DNAH6: variants seen among roughly 807,000 people sequenced by gnomAD.
DNAH6 encodes the protein dynein axonemal heavy chain 6, also known as axonemal beta dynein heavy chain 6.
Under a neutral mutation model 491.4 loss-of-function variants are expected in DNAH6, and 340 were observed. That is an observed-to-expected ratio of 0.69 (90% CI 0.63 to 0.76). The LOEUF (loss-of-function observed/expected upper bound fraction) is 0.76, where lower values mean the gene tolerates loss of function less well. Among genes scored for constraint, DNAH6 ranks in the 30% least tolerant of loss-of-function variants. The pLI, the probability that DNAH6 is intolerant of heterozygous loss-of-function variation, is 0.00. For synonymous variants in DNAH6, 1,603 were observed against 1,686.1 expected (o/e 0.95, Z 1.21); for missense variants, 4,443 against 4,972.2 (o/e 0.89, Z 3.20).
At chr2:84,694,533 A>G (rs2104795356) in intron 46 of DNAH6, 53 bp downstream of exon 46, 9 of 1,323,184 alleles carry the variant, frequency 6.8e-6, no homozygotes, top group East Asian at 5.0e-5. Flanking sequence ...GGGTGTTACA[A>G]TCGGGTGTGT....
chr2:84,469,990 G>A, the DNAH6 span, among the ~76,000 whole-genome samples: 103,689 of 151,946 alleles, frequency 0.68, 37,897 homozygotes, highest in East Asian at 0.9. This position sits in a 1 kb window ranked among gnomAD's most constrained non-coding sequence, Gnocchi z 4.0. Flanking sequence ...AACCCACTCT[G>A]TCTTAAGGAG....
chr2:84,741,597 C>A (rs539318955), intron 62 of DNAH6, among the ~76,000 whole-genome samples: 1 of 152,262 alleles, frequency 6.6e-6, no homozygotes, highest in East Asian at 1.9e-4. Context: ...GAAGTGTGGT[C>A]AACTCATATC....
chr2:84,465,566 C>T, the DNAH6 span, among the ~76,000 whole-genome samples: 1 of 152,064 alleles, frequency 6.6e-6, no homozygotes, highest in Non-Finnish European at 1.5e-5. Context: ...AGTATAACAG[C>T]AATATATTCC....
intron 63 of DNAH6, among the ~76,000 whole-genome samples, chr2:84,749,833 T>C (rs760591367): frequency 1.3e-5 from 2 of 152,186 alleles, no homozygotes; most frequent in Non-Finnish European, 2.9e-5. Flanking sequence ...AATTATAGAC[T>C]ATGAAAATTT....
intron 76 of DNAH6, among the ~76,000 whole-genome samples, chr2:84,817,171 A>G (rs1680568183): frequency 6.6e-6 from 1 of 152,082 alleles, no homozygotes; most frequent in Non-Finnish European, 1.5e-5. Context: ...AGTGATACTT[A>G]AGACTGTCAG....
intron 3 of DNAH6, 64 bp downstream of exon 3, chr2:84,525,802 C>T (rs1479720963): frequency 5.0e-6 from 6 of 1,202,096 alleles, no homozygotes; most frequent in South Asian, 1.6e-5. Flanking sequence ...GCATTGCTAG[C>T]ATACTTTTAA....
chr2:84,621,148 G>A, intron 24 of DNAH6, 43 bp from the exon 25 acceptor site: 1 of 1,544,708 alleles, frequency 6.5e-7, no homozygotes, highest in Non-Finnish European at 8.7e-7. Context: ...CAGCTTACAA[G>A]TCCCACACAA....
chr2:84,595,466 C>T (rs181149907), intron 17 of DNAH6, among the ~76,000 whole-genome samples, 180 bp from the exon 18 acceptor site: 14 of 152,110 alleles, frequency 9.2e-5, no homozygotes, highest in Admixed American at 7.2e-4. Flanking sequence ...GAGGCAAGAA[C>T]ATGAAAGGAA....
chr2:84,531,049 G>A (rs988334231), intron 4 of DNAH6, among the ~76,000 whole-genome samples: 12 of 152,100 alleles, frequency 7.9e-5, no homozygotes, highest in Non-Finnish European at 1.3e-4. Context: ...ATTAATATGT[G>A]TAAGATGTAC....
At chr2:84,562,693 C>CTGA (rs1680798157) in intron 11 of DNAH6, among the ~76,000 whole-genome samples, 1 of 152,212 alleles carries the variant, frequency 6.6e-6, no homozygotes, top group Non-Finnish European at 1.5e-5. Flanking sequence ...AAACCAGGCA[C>CTGA]AGCTTCCAAG....
rs1299425650 is a variant in DNAH6, at chr2:84,634,512, G to A, written c.4524G>A (p.Gly1508=). The stretch of plus-strand genomic sequence containing the variant: ...CTTTATTTTGATTTCAGATGATGGG[G>A]CGCTTCTTCAGTGGCTTGGCACAGT... ...CSDGLDYKMM[G]RFFSGLAQSG... Residue 1508 remains glycine (G), a synonymous_variant, in exon 30 of 77, where the codon GGG becomes GGA. Transcript: ENST00000389394. 1 of 1,539,918 alleles carries A rather than the reference G, an allele frequency of 6.5e-7. No homozygotes were observed. The highest frequency in any genetic ancestry group is 2.1e-5 in the Admixed American group (1 of 47,978).
chr2:84,706,624 T>C (rs187337545), intron 52 of DNAH6, among the ~76,000 whole-genome samples: 104 of 152,336 alleles, frequency 6.8e-4, no homozygotes, highest in Non-Finnish European at 1.1e-3. Flanking sequence ...TAATCCATTA[T>C]GATACCTAAT....
chr2:84,745,968 A>G (rs1239882999), intron 63 of DNAH6, among the ~76,000 whole-genome samples: 1 of 152,196 alleles, frequency 6.6e-6, no homozygotes, highest in Non-Finnish European at 1.5e-5. Flanking sequence ...AGACAGAGGT[A>G]GTAGATTAGA....
the DNAH6 span, among the ~76,000 whole-genome samples, chr2:84,467,325 G>C: frequency 3.0e-4 from 46 of 152,118 alleles, 1 homozygote; most frequent in African/African-American, 1.1e-3. Flanking sequence ...TACACATCTT[G>C]CATATAAAAC....
At chr2:84,564,991 T>G (rs111313021) in intron 11 of DNAH6, among the ~76,000 whole-genome samples, 3,582 of 152,266 alleles carry the variant, frequency 0.024, 58 homozygotes, top group Middle Eastern at 0.092. Flanking sequence ...TGAATCACAT[T>G]TATTGATTTG....
chr2:84,760,445 A>T (rs1674462118), intron 63 of DNAH6, among the ~76,000 whole-genome samples: 1 of 152,174 alleles, frequency 6.6e-6, no homozygotes, highest in Non-Finnish European at 1.5e-5. Context: ...TACACAAGGA[A>T]CTCAACAACA....
At chr2:84,630,591 G>C (rs1402761677) in intron 29 of DNAH6, among the ~76,000 whole-genome samples, 3 of 152,192 alleles carry the variant, frequency 2.0e-5, no homozygotes, top group Non-Finnish European at 4.4e-5. Flanking sequence ...AGAGGATTCA[G>C]GGAACTGCTA....
Position 84,812,445 on chromosome 2 carries a change from G to A in DNAH6, c.11844G>A (p.Leu3948=). The part of the protein sequence containing the change: ...NSFLNNQVPA[L]WSNTAYPSLK... ...TCCTCAACAACCAGGTTCCCGCTCT[G>A]TGGTCCAACACAGCCTACCCATCCC... Residue 3948 remains leucine (L), a synonymous_variant, in exon 73 of 77, where the codon CTG becomes CTA. Coordinates refer to ENST00000389394, the MANE Select transcript of DNAH6 (RefSeq NM_001370.2). 1 of 1,551,736 alleles carries A rather than the reference G, an allele frequency of 6.4e-7. No individual in the cohort carries two copies. The highest frequency in any genetic ancestry group is 8.7e-7 in the Non-Finnish European group (1 of 1,146,998).
chr2:84,723,609 G>T (rs1423701536), intron 60 of DNAH6, among the ~76,000 whole-genome samples: 5 of 152,062 alleles, frequency 3.3e-5, no homozygotes, highest in Non-Finnish European at 5.9e-5. Flanking sequence ...AACCAAATTG[G>T]TTTATGTATC....
Sources: allele counts gnomAD v4.1 joint callset (sites outside exome capture counted in the v4.1 genomes callset), GRCh38; gene constraint gnomAD v4.1.1; non-coding constraint Gnocchi (gnomAD v3.1); transcripts MANE v1.5; gene names NCBI Gene and HGNC (gene_info 2026-07-23, HGNC 2026-07-21).